The following TMEFF2 variants were observed in gnomAD, a reference collection of about 807,000 sequenced individuals.
The protein encoded by TMEFF2 is transmembrane protein with EGF like and two follistatin like domains 2, also known as tomoregulin-2.
In TMEFF2, 28 loss-of-function variants were observed where a neutral mutation model predicts 53.8. That is an observed-to-expected ratio of 0.52 (90% confidence interval 0.39 to 0.71). TMEFF2 has a LOEUF of 0.71. Among genes scored for constraint, TMEFF2 ranks in the 30% least tolerant of loss-of-function variants. The probability of loss-of-function intolerance (pLI) is 0.00; values close to 1 mark genes in which losing one functional copy is unlikely to be tolerated. For missense variants in TMEFF2, 353 were observed against 455.2 expected (o/e 0.78, Z 2.04); for synonymous variants, 162 against 166.3 (o/e 0.97, Z 0.20).
intron 4 of TMEFF2, among the ~76,000 whole-genome samples, chr2:192,089,072 T>C (rs886800975): frequency 3.3e-5 from 5 of 152,152 alleles, no homozygotes; most frequent in Non-Finnish European, 4.4e-5. Context: ...AGTACACTTA[T>C]TGAAAATCAA....
chr2:192,105,832 C>A (rs1689133407), intron 4 of TMEFF2, among the ~76,000 whole-genome samples: 1 of 151,730 alleles, frequency 6.6e-6, no homozygotes, highest in African/African-American at 2.4e-5. Context: ...AGAATTGTAC[C>A]ATATCCCAAT....
chr2:192,127,029 A>C (rs1200197773), intron 4 of TMEFF2, among the ~76,000 whole-genome samples: 1 of 152,096 alleles, frequency 6.6e-6, no homozygotes, highest in Non-Finnish European at 1.5e-5. Flanking sequence ...ACAGTAAAGC[A>C]CTCTTATTTA....
intron 7 of TMEFF2, among the ~76,000 whole-genome samples, chr2:191,995,670 G>A (rs1036743252): frequency 4.6e-5 from 7 of 152,004 alleles, no homozygotes; most frequent in African/African-American, 1.4e-4. Flanking sequence ...TGAGGAACAT[G>A]ACTATTACTT....
chr2:191,982,728 C>T (rs1191237608), intron 7 of TMEFF2, among the ~76,000 whole-genome samples: 1 of 152,018 alleles, frequency 6.6e-6, no homozygotes, highest in Admixed American at 6.6e-5. Flanking sequence ...TCAAAATTTC[C>T]ATTTCATTTT....
chr2:192,055,857 G>A (rs762042757), intron 5 of TMEFF2, among the ~76,000 whole-genome samples: 62 of 151,258 alleles, frequency 4.1e-4, no homozygotes, highest in Non-Finnish European at 7.2e-4. Context: ...ACCTCAAGAT[G>A]GTCAAACCAG....
At chr2:191,965,116 G>A (rs1692432861) in intron 7 of TMEFF2, among the ~76,000 whole-genome samples, 1 of 152,022 alleles carries the variant, frequency 6.6e-6, no homozygotes, top group South Asian at 2.1e-4. Flanking sequence ...TCCAAATATT[G>A]ATTAGTCAGC....
At chr2:192,035,029 T>C in intron 5 of TMEFF2, 1 of 152,338 alleles carries the variant, frequency 6.6e-6, no homozygotes, top group South Asian at 2.1e-4. Flanking sequence ...CCCCACTGTT[T>C]CCTGTCACAG....
At chr2:192,037,859 CT>C (rs1203293706) in intron 5 of TMEFF2, 1 of 152,138 alleles carries the variant, frequency 6.6e-6, no homozygotes, top group Non-Finnish European at 1.5e-5. Context: ...TCTACCTTGA[CT>C]TCTATCCTAT....
At chr2:192,111,414 C>T (rs569504474) in intron 4 of TMEFF2, among the ~76,000 whole-genome samples, 15 of 152,044 alleles carry the variant, frequency 9.9e-5, no homozygotes, top group Non-Finnish European at 1.6e-4. Context: ...ACATTTTGCC[C>T]CTGCCCTGGA....
chr2:192,193,295 G>T (rs1691506834), intron 1 of TMEFF2, among the ~76,000 whole-genome samples: 1 of 152,166 alleles, frequency 6.6e-6, no homozygotes, highest in African/African-American at 2.4e-5. Context: ...GCATGTTAAC[G>T]GAGTTTAAAA....
chr2:192,099,570 A>G (rs1027037780), intron 4 of TMEFF2, among the ~76,000 whole-genome samples: 1 of 152,186 alleles, frequency 6.6e-6, no homozygotes, highest in Middle Eastern at 3.2e-3. Context: ...CAATTATGTA[A>G]GAATAACTTA....
rs188177999 is a variant in TMEFF2 at position 191,980,334 on chromosome 2, G to A, written c.745+17928C>T. Reference sequence around the variant, plus strand: ...AGGTGTGAAGGGCAGGCCAGGAGACGATGAGGAAGCACATCTTTGTGAGCA... The same window carrying A: ...AGGTGTGAAGGGCAGGCCAGGAGACAATGAGGAAGCACATCTTTGTGAGCA... On this transcript the variant is annotated intron_variant, in intron 7 of 9. Transcript: ENST00000272771. 5.1e-3 allele frequency among the ~76,000 whole-genome samples: 771 copies of A among 152,278 alleles called. 3 individuals carry two copies. The highest frequency in any genetic ancestry group is 8.7e-3 in the Non-Finnish European group (595 of 68,008).
intron 4 of TMEFF2, among the ~76,000 whole-genome samples, chr2:192,067,835 T>C (rs1268291996): frequency 6.6e-6 from 1 of 151,868 alleles, no homozygotes; most frequent in Non-Finnish European, 1.5e-5. Context: ...TCCTAAATAT[T>C]TTCCCATTCT....
At chr2:192,126,435 A>G (rs1689680610) in intron 4 of TMEFF2, among the ~76,000 whole-genome samples, 1 of 152,238 alleles carries the variant, frequency 6.6e-6, no homozygotes, top group South Asian at 2.1e-4. Flanking sequence ...ACATTAAAAT[A>G]TTTGTATAAA....
chr2:191,957,368 C>T (rs980415048), intron 7 of TMEFF2, among the ~76,000 whole-genome samples: 1 of 148,564 alleles, frequency 6.7e-6, no homozygotes, highest in Non-Finnish European at 1.5e-5. Flanking sequence ...TCTGAAGACA[C>T]TCTTCAATCT....
At chr2:192,190,673 T>C (rs1691440911) in intron 2 of TMEFF2, among the ~76,000 whole-genome samples, 1 of 152,170 alleles carries the variant, frequency 6.6e-6, no homozygotes, top group Non-Finnish European at 1.5e-5. Context: ...AGTTGTCTTA[T>C]TATGTTTCTT....
chr2:192,163,983 C>G (rs1690693163), intron 4 of TMEFF2, among the ~76,000 whole-genome samples: 1 of 152,152 alleles, frequency 6.6e-6, no homozygotes, highest in South Asian at 2.1e-4. Flanking sequence ...TTGTTGCCAC[C>G]ATATTATTCA....
chr2:192,033,283 A>C (rs1437733867), intron 5 of TMEFF2, among the ~76,000 whole-genome samples: 1 of 152,254 alleles, frequency 6.6e-6, no homozygotes, highest in Non-Finnish European at 1.5e-5. Context: ...TCTTTAGATA[A>C]GCAATTCAAA....
intron 5 of TMEFF2, chr2:192,032,497 T>G (rs1687165097): frequency 6.6e-6 from 1 of 152,172 alleles, no homozygotes; most frequent in Admixed American, 6.5e-5. Flanking sequence ...TCAACGAGAG[T>G]GTGTTATTAT....
Sources: allele counts gnomAD v4.1 joint callset (sites outside exome capture counted in the v4.1 genomes callset), GRCh38; gene constraint gnomAD v4.1.1; transcripts MANE v1.5; gene names NCBI Gene and HGNC (gene_info 2026-07-23, HGNC 2026-07-21).